The following NAP1L1 variants were observed in gnomAD, a reference collection of about 807,000 sequenced individuals.
NAP1L1 encodes the protein nucleosome assembly protein 1-like 1.
Under a neutral mutation model 58.9 loss-of-function variants are expected in NAP1L1, and 9 were observed. The observed-to-expected ratio is 0.15, with a 90% CI of 0.09 to 0.27. The LOEUF (loss-of-function observed/expected upper bound fraction) is 0.27. Ranked by LOEUF, NAP1L1 falls within the 10% of genes least tolerant of loss-of-function variation. The pLI, the probability that NAP1L1 is intolerant of heterozygous loss-of-function variation, is 1.00. For synonymous variants in NAP1L1, 130 were observed against 138.3 expected (o/e 0.94, Z 0.42); for missense variants, 302 against 458.8 (o/e 0.66, Z 3.12).
intron 4 of NAP1L1, among the ~76,000 whole-genome samples, chr12:76,066,402 A>G (rs1949673819): frequency 6.6e-6 from 1 of 152,120 alleles, no homozygotes; most frequent in African/African-American, 2.4e-5. Context: ...TGTAGAAATG[A>G]CACATTATTT....
At position 76,068,735 on chromosome 12, in the gene NAP1L1, TACACACACACACACACACAC is replaced by T. The variant is rs35120003; in HGVS notation, c.103+154_103+173del. 1,224 of 294,972 alleles carry T rather than the reference TACACACACACACACACACAC, an allele frequency of 4.1e-3. 6 individuals carry two copies. Among genetic ancestry groups the T allele is most frequent in the African/African-American group, 0.03 (1,051 of 35,144 alleles). 18.3% of individuals were successfully genotyped at this position (294,972 alleles called of 1,614,324 possible). A position where few individuals can be genotyped will look rare whatever the true frequency, so the allele number is the denominator to read the frequency against. On this transcript the variant is annotated intron_variant, in intron 3 of 14. Transcript: ENST00000618691. ...GCTGTATCTATACCTACCCGCCCCT[TACACACACACACACACACAC>T]ACACACACACACACACACACACACT...
intron 14 of NAP1L1, 98 bp from the exon 15 acceptor site, chr12:76,048,562 G>T: frequency 8.1e-7 from 1 of 1,227,906 alleles, no homozygotes; most frequent in Non-Finnish European, 1.2e-6. Context: ...GTAGCTCACT[G>T]TTGTCAAAAG....
intron 14 of NAP1L1, 28 bp downstream of exon 14, chr12:76,049,172 A>T (rs1449570938): frequency 1.3e-6 from 2 of 1,587,464 alleles, no homozygotes; most frequent in South Asian, 2.2e-5. Context: ...TCTTAAATTT[A>T]ATAGAAAGCA....
intron 4 of NAP1L1, among the ~76,000 whole-genome samples, chr12:76,064,549 A>G (rs962930997): frequency 1.3e-5 from 2 of 152,178 alleles, no homozygotes; most frequent in African/African-American, 4.8e-5. Flanking sequence ...ATCCTAAAAA[A>G]GAGATAACAG....
chr12:76,064,332 G>A (rs1229870508), intron 4 of NAP1L1, among the ~76,000 whole-genome samples: 1 of 152,048 alleles, frequency 6.6e-6, no homozygotes, highest in Admixed American at 6.6e-5. Context: ...AGAAAAAACT[G>A]TCAGGTCAAA....
intron 6 of NAP1L1, chr12:76,058,136 T>C: frequency 8.7e-6 from 6 of 691,260 alleles, no homozygotes; most frequent in South Asian, 1.4e-5. Flanking sequence ...ATTTGAAAAT[T>C]TGTCTGTAGT....
intron 1 of NAP1L1, among the ~76,000 whole-genome samples, chr12:76,082,764 T>C (rs2137126876): frequency 6.6e-6 from 1 of 152,338 alleles, no homozygotes; most frequent in Non-Finnish European, 1.5e-5. Flanking sequence ...TTTTAAATGG[T>C]ACCCTATACA....
At chr12:76,065,147 G>C (rs1005776806) in intron 4 of NAP1L1, among the ~76,000 whole-genome samples, 11 of 151,778 alleles carry the variant, frequency 7.2e-5, no homozygotes, top group African/African-American at 2.2e-4. Context: ...TGCAAGGCTA[G>C]TTTGATATCC....
intron 3 of NAP1L1, chr12:76,068,452 T>A (rs1178017070): frequency 2.0e-5 from 3 of 152,570 alleles, no homozygotes; most frequent in African/African-American, 7.2e-5. Flanking sequence ...CACCACTCCT[T>A]TTAAAAATAT....
chr12:76,077,725 T>A (rs1197972653), intron 1 of NAP1L1, among the ~76,000 whole-genome samples: 1 of 152,018 alleles, frequency 6.6e-6, no homozygotes, highest in Non-Finnish European at 1.5e-5. Flanking sequence ...GGCTCACGCC[T>A]GTAATCCTAG....
chr12:76,064,973 C>T (rs558705818), intron 4 of NAP1L1, among the ~76,000 whole-genome samples: 1 of 152,116 alleles, frequency 6.6e-6, no homozygotes, highest in Admixed American at 6.5e-5. Flanking sequence ...GAAATCTTGA[C>T]TCCAAAAACC....
At chr12:76,062,039 G>T (rs1949440155) in intron 4 of NAP1L1, among the ~76,000 whole-genome samples, 1 of 152,178 alleles carries the variant, frequency 6.6e-6, no homozygotes, top group South Asian at 2.1e-4. Context: ...GGCCACAGCA[G>T]GTAGCAGTGC....
chr12:76,080,537 A>T (rs1027629573), intron 1 of NAP1L1, among the ~76,000 whole-genome samples: 6 of 152,344 alleles, frequency 3.9e-5, no homozygotes, highest in African/African-American at 1.4e-4. Context: ...GTGTAAATAC[A>T]TTCTATGACA....
intron 4 of NAP1L1, among the ~76,000 whole-genome samples, chr12:76,066,250 G>C (rs1425083927): frequency 2.6e-5 from 4 of 151,944 alleles, no homozygotes; most frequent in African/African-American, 9.7e-5. Flanking sequence ...AGACCTAAAT[G>C]TAAAAGGTGA....
rs149822877 is a variant in NAP1L1 at position 76,037,379 on chromosome 12, A to T, written c.*11050T>A. ...TTTTTTTTAACTGTAGTACAAACACAATTGTGGATCCAAGCACCGTCCATC... is the reference window on the plus strand; with the variant it reads ...TTTTTTTTAACTGTAGTACAAACACTATTGTGGATCCAAGCACCGTCCATC... On this transcript the variant is annotated 3_prime_UTR_variant, in exon 15 of 15. Coordinates refer to ENST00000618691, the MANE Select transcript of NAP1L1 (RefSeq NM_004537.7). 6 of 152,570 alleles carry T rather than the reference A, an allele frequency of 3.9e-5. No individual in the cohort carries two copies. The highest frequency in any genetic ancestry group is 1.9e-4 in the East Asian group (1 of 5,190). The allele number at this position is 152,570 out of a possible 1,614,324, so 9.5% of individuals were successfully genotyped here.
intron 13 of NAP1L1, chr12:76,049,500 T>C (rs1948722299): frequency 6.5e-7 from 1 of 1,535,726 alleles, no homozygotes; most frequent in Non-Finnish European, 8.7e-7. Context: ...ACTGCAGCTT[T>C]TGACTTCTTC....
chr12:76,050,456 TA>T, intron 12 of NAP1L1, 74 bp downstream of exon 12: 1 of 1,495,428 alleles, frequency 6.7e-7, no homozygotes, highest in Non-Finnish European at 8.9e-7. Flanking sequence ...TCTTAAAAAC[TA>T]AACTAATCTA....
At position 76,038,187 on chromosome 12, in the gene NAP1L1, A is replaced by G. The variant is rs1408461066; in HGVS notation, c.*10242T>C. ...CTCTGGGTCTCTGGGGTGACAAGAT[A>G]CCCCAGTAACTAAGAGTGGAAGCAA... On this transcript the variant is annotated 3_prime_UTR_variant, in exon 15 of 15. Coordinates refer to ENST00000618691, the MANE Select transcript of NAP1L1 (RefSeq NM_004537.7). 1.3e-5 allele frequency: 2 copies of G among 152,120 alleles called. No homozygotes were observed. The highest frequency in any genetic ancestry group is 4.8e-5 in the African/African-American group (2 of 41,410). The allele number at this position is 152,120 out of a possible 1,614,324, so 9.4% of individuals were successfully genotyped here.
chr12:76,074,471 A>C (rs952065581), intron 1 of NAP1L1: 1 of 487,880 alleles, frequency 2.0e-6, no homozygotes, highest in Admixed American at 6.4e-5. Context: ...AAAAGTTACC[A>C]CTAAGCTTTT....
Sources: allele counts gnomAD v4.1 joint callset (sites outside exome capture counted in the v4.1 genomes callset), GRCh38; gene constraint gnomAD v4.1.1; transcripts MANE v1.5; gene names NCBI Gene and HGNC (gene_info 2026-07-23, HGNC 2026-07-21).